The following NELL2 variants were observed in gnomAD, a reference collection of about 807,000 sequenced individuals.
NELL2 encodes the protein protein kinase C-binding protein NELL2.
NELL2 carries 41 observed loss-of-function variants against 109.6 expected under a neutral mutation model. The ratio of observed to expected loss-of-function variants is 0.37; its 90% CI spans 0.29 to 0.49. The LOEUF is 0.49. Ranked by LOEUF, NELL2 falls within the 20% of genes least tolerant of loss-of-function variation. The probability of loss-of-function intolerance (pLI) is 0.98; values close to 1 mark genes in which losing one functional copy is unlikely to be tolerated. For missense variants in NELL2, 900 were observed against 1,008.3 expected (o/e 0.89, Z 1.45); for synonymous variants, 355 against 344.7 (o/e 1.03, Z -0.33).
intron 12 of NELL2, among the ~76,000 whole-genome samples, chr12:44,697,043 G>A (rs1949081423): frequency 6.6e-6 from 1 of 152,130 alleles, no homozygotes. Flanking sequence ...GGCATATAAC[G>A]AATGTAACCA....
intron 2 of NELL2, among the ~76,000 whole-genome samples, chr12:44,856,083 C>G (rs1944675425): frequency 6.6e-6 from 1 of 152,294 alleles, no homozygotes; most frequent in Non-Finnish European, 1.5e-5. Flanking sequence ...GCTTACTAAG[C>G]ACATTATGTG....
chr12:44,650,343 G>A (rs1947257584), intron 13 of NELL2, among the ~76,000 whole-genome samples: 1 of 149,362 alleles, frequency 6.7e-6, no homozygotes, highest in African/African-American at 2.5e-5. Flanking sequence ...AAAAAGACTA[G>A]AGTGCAGTGG....
intron 8 of NELL2, 68 bp downstream of exon 8, chr12:44,775,954 T>A: frequency 6.4e-7 from 1 of 1,552,486 alleles, no homozygotes. Context: ...GATTACATTG[T>A]TTTAATAAAT....
intron 9 of NELL2, among the ~76,000 whole-genome samples, chr12:44,720,002 C>A (rs1440305661): frequency 6.6e-6 from 1 of 150,412 alleles, no homozygotes; most frequent in Admixed American, 6.7e-5. Flanking sequence ...AAGCTCCAAT[C>A]AGCTATGCTG....
At chr12:44,592,804 G>T (rs1302463350) in intron 15 of NELL2, among the ~76,000 whole-genome samples, 1 of 152,202 alleles carries the variant, frequency 6.6e-6, no homozygotes, top group African/African-American at 2.4e-5. Context: ...AAGAAGCCTG[G>T]TTGCATTAAG....
chr12:44,688,503 A>C (rs12809289), intron 12 of NELL2, among the ~76,000 whole-genome samples: 2 of 152,160 alleles, frequency 1.3e-5, no homozygotes, highest in Non-Finnish European at 2.9e-5. Context: ...TTCCCTAACA[A>C]CCTCATAAGA....
intron 3 of NELL2, among the ~76,000 whole-genome samples, chr12:44,782,822 C>A (rs1305392866): frequency 6.6e-6 from 1 of 151,850 alleles, no homozygotes; most frequent in African/African-American, 2.4e-5. Context: ...ACCCCTGTTT[C>A]AACAATTATT....
chr12:44,724,811 T>A (rs1592404242), intron 9 of NELL2, among the ~76,000 whole-genome samples: 2 of 127,000 alleles, frequency 1.6e-5, no homozygotes, highest in African/African-American at 3.2e-5. Context: ...AAGGCAATCC[T>A]AAGGGGAAAA....
intron 15 of NELL2, among the ~76,000 whole-genome samples, chr12:44,587,284 A>AAAAAAAAAATATATATATATATAT: frequency 2.6e-4 from 19 of 72,158 alleles, no homozygotes; most frequent in Non-Finnish European, 3.8e-4. Flanking sequence ...AAAAAAAAAA[A>AAAAAAAAAATATATATATATATAT]ATATATATAT....
Position 44,776,045 on chromosome 12 carries a change from C to T in NELL2, c.868G>A (p.Gly290Ser), listed in dbSNP as rs758122258. Residue 290 changes from glycine to serine, a missense_variant, in exon 8 of 20, where the codon GGC becomes AGC. This residue lies in a region of NELL2 where 292 missense variants were observed against 265.3 expected (regional missense o/e 1.10). Transcript: ENST00000429094. ...TYREFESWID[G>S]CKNCTCLNGT... is the part of the protein sequence containing the mutation. ...ACCAGGCATGTGCAGTTCTTACAGCCGTCTATCCAGGACTCAAATTCTCGG... is the reference window on the plus strand; with the variant it reads ...ACCAGGCATGTGCAGTTCTTACAGCTGTCTATCCAGGACTCAAATTCTCGG... 8 of 1,613,808 alleles carry T rather than the reference C, an allele frequency of 5.0e-6. No individual in the cohort carries two copies. In the Middle Eastern group the frequency reaches 4.9e-4, roughly 100 times the overall value.
intron 15 of NELL2, among the ~76,000 whole-genome samples, chr12:44,567,685 TC>T (rs1943713300): frequency 1.3e-5 from 2 of 152,166 alleles, no homozygotes; most frequent in African/African-American, 4.8e-5. Context: ...CCTTAAGTTT[TC>T]TTTTGCTTAA....
intron 19 of NELL2, among the ~76,000 whole-genome samples, chr12:44,518,405 T>G (rs1304095962): frequency 6.6e-6 from 1 of 152,118 alleles, no homozygotes; most frequent in South Asian, 2.1e-4. Context: ...CCACCATGCC[T>G]GGCTAATTTT....
At chr12:44,673,797 T>C (rs1286220939) in intron 12 of NELL2, among the ~76,000 whole-genome samples, 1 of 152,202 alleles carries the variant, frequency 6.6e-6, no homozygotes, top group Non-Finnish European at 1.5e-5. Context: ...ATATCTCTAA[T>C]AGAGGTTCAT....
chr12:44,725,283 C>T lies in NELL2; in HGVS notation c.995-10542G>A, dbSNP rs889293357. 4.6e-5 allele frequency among the ~76,000 whole-genome samples: 7 copies of T among 152,100 alleles called. 1 individual carries two copies. The highest frequency in any genetic ancestry group is 8.8e-5 in the Non-Finnish European group (6 of 68,000). ...AATTGACAAGTGGGATCTAACTAAA[C>T]TTAAGAGTTTCTGCACAGCCAAAGA... On this transcript the variant is annotated intron_variant, in intron 9 of 19. Transcript: ENST00000429094.
intron 2 of NELL2, among the ~76,000 whole-genome samples, chr12:44,867,445 ACT>A (rs1340208979): frequency 6.6e-6 from 1 of 152,208 alleles, no homozygotes; most frequent in Non-Finnish European, 1.5e-5. Context: ...CATGATAAAA[ACT>A]CTCAATAAAT....
At chr12:44,611,708 T>C (rs1945631402) in intron 13 of NELL2, among the ~76,000 whole-genome samples, 1 of 152,058 alleles carries the variant, frequency 6.6e-6, no homozygotes. Flanking sequence ...ATTGTAACCA[T>C]TTTCAAGGTG....
chr12:44,634,726 T>C (rs1946573073), intron 13 of NELL2, among the ~76,000 whole-genome samples: 1 of 152,216 alleles, frequency 6.6e-6, no homozygotes, highest in South Asian at 2.1e-4. Flanking sequence ...TTTCTGGTTC[T>C]AGATCCTTGA....
intron 13 of NELL2, among the ~76,000 whole-genome samples, chr12:44,661,136 T>C (rs757349338): frequency 3.9e-5 from 6 of 152,150 alleles, no homozygotes; most frequent in Non-Finnish European, 7.3e-5. Flanking sequence ...CAGATGAGCA[T>C]GCATACAACT....
At chr12:44,875,155 C>T in intron 2 of NELL2, 70 bp downstream of exon 2, 1 of 1,550,644 alleles carries the variant, frequency 6.4e-7, no homozygotes, top group South Asian at 1.2e-5. Context: ...TTAGGACAAG[C>T]GGCAAGAGCA....
Sources: allele counts gnomAD v4.1 joint callset (sites outside exome capture counted in the v4.1 genomes callset), GRCh38; gene constraint gnomAD v4.1.1; regional missense constraint gnomAD v4.1.1; transcripts MANE v1.5; gene names NCBI Gene and HGNC (gene_info 2026-07-23, HGNC 2026-07-21).